The following OSBP2 variants were observed in gnomAD, a reference collection of about 807,000 sequenced individuals.
OSBP2 encodes the protein oxysterol-binding protein 2.
Under a neutral mutation model 96.0 loss-of-function variants are expected in OSBP2, and 66 were observed. That is an observed-to-expected ratio of 0.69 (90% CI 0.56 to 0.84). The LOEUF (loss-of-function observed/expected upper bound fraction) is 0.84. Among genes scored for constraint, OSBP2 ranks in the 40% least tolerant of loss-of-function variants. The pLI, the probability that OSBP2 is intolerant of heterozygous loss-of-function variation, is 0.00. For synonymous variants in OSBP2, 525 were observed against 520.9 expected (o/e 1.01, Z -0.11); for missense variants, 1,038 against 1,222.7 (o/e 0.85, Z 2.25).
intron 2 of OSBP2, among the ~76,000 whole-genome samples, chr22:30,790,615 A>C (rs1421674307): frequency 6.6e-6 from 1 of 151,202 alleles, no homozygotes; most frequent in African/African-American, 2.4e-5. Context: ...TGTAAGCCAG[A>C]TGCAAAAGCA....
intron 2 of OSBP2, among the ~76,000 whole-genome samples, chr22:30,839,854 C>T (rs11913680): frequency 0.23 from 35,399 of 151,632 alleles, 4,447 homozygotes; most frequent in Middle Eastern, 0.36. Flanking sequence ...TAATTAGATC[C>T]CATTTGTCAA....
rs1303855891 is a variant in OSBP2 at position 30,889,474 on chromosome 22, C to G, written c.1477-16C>G. On this transcript the variant is annotated splice_polypyrimidine_tract_variant and intron_variant, in intron 6 of 13. Coordinates refer to ENST00000332585, the MANE Select transcript of OSBP2 (RefSeq NM_030758.4). ...GGCCTCTGCTGACGGTGAGGGGGTC[C>G]CCACTTATGTGGCAGGTACTAGATG... 4 of 1,613,926 alleles carry G rather than the reference C, an allele frequency of 2.5e-6. No homozygotes were observed. Among genetic ancestry groups the G allele is most frequent in the Non-Finnish European group, 3.4e-6 (4 of 1,179,928 alleles).
At chr22:30,831,233 C>T (rs1017261885) in intron 2 of OSBP2, among the ~76,000 whole-genome samples, 2 of 152,222 alleles carry the variant, frequency 1.3e-5, no homozygotes, top group Non-Finnish European at 2.9e-5. Flanking sequence ...CTACATTAGA[C>T]TTCCATCATT....
chr22:30,850,614 C>T (rs1490507584), intron 2 of OSBP2, among the ~76,000 whole-genome samples: 1 of 152,120 alleles, frequency 6.6e-6, no homozygotes, highest in Non-Finnish European at 1.5e-5. Context: ...ATACTCCTGC[C>T]TTAGCCTCCC....
chr22:30,727,488 C>G (rs773609937), intron 1 of OSBP2, among the ~76,000 whole-genome samples: 3 of 152,064 alleles, frequency 2.0e-5, no homozygotes, highest in Non-Finnish European at 4.4e-5. Context: ...AAATATAGCT[C>G]TCAGAGAAGA....
intron 2 of OSBP2, among the ~76,000 whole-genome samples, chr22:30,864,957 C>T (rs1485143767): frequency 6.6e-6 from 1 of 152,202 alleles, no homozygotes; most frequent in Non-Finnish European, 1.5e-5. Flanking sequence ...TAAGCACCAC[C>T]GGGTCACCTT....
At chr22:30,737,675 G>A (rs1021196548) in intron 1 of OSBP2, among the ~76,000 whole-genome samples, 4 of 151,582 alleles carry the variant, frequency 2.6e-5, no homozygotes, top group African/African-American at 9.7e-5. Flanking sequence ...CTGATTTTAG[G>A]CCCACAATGT....
intron 12 of OSBP2, among the ~76,000 whole-genome samples, chr22:30,900,010 G>T (rs5753378): frequency 0.33 from 49,421 of 152,044 alleles, 8,555 homozygotes; most frequent in East Asian, 0.55. Flanking sequence ...TGTAATCCCA[G>T]CACTTTGGGA....
intron 3 of OSBP2, among the ~76,000 whole-genome samples, chr22:30,884,947 G>GT (rs1320657918): frequency 6.6e-6 from 1 of 152,370 alleles, no homozygotes; most frequent in East Asian, 1.9e-4. Context: ...GGGGCAGGCC[G>GT]TTGCCTGGGA....
intron 11 of OSBP2, 23 bp from the exon 12 acceptor site, chr22:30,893,793 CG>C: frequency 6.2e-7 from 1 of 1,603,622 alleles, no homozygotes; most frequent in Non-Finnish European, 8.5e-7. Context: ...TCTGCACCTA[CG>C]CTGGTCCTGC....
intron 1 of OSBP2, among the ~76,000 whole-genome samples, chr22:30,725,548 A>AAAC (rs1555908278): frequency 1.7e-4 from 26 of 151,132 alleles, no homozygotes; most frequent in Middle Eastern, 3.2e-3. Context: ...ACAAAAACAA[A>AAAC]AAAAAAAACA....
At chr22:30,867,935 C>T (rs1166661747) in intron 2 of OSBP2, among the ~76,000 whole-genome samples, 3 of 152,250 alleles carry the variant, frequency 2.0e-5, no homozygotes, top group Non-Finnish European at 2.9e-5. Flanking sequence ...GGGGGCTGGC[C>T]GTTCTGGTTA....
intron 3 of OSBP2, among the ~76,000 whole-genome samples, chr22:30,887,168 G>A (rs1314188962): frequency 6.6e-6 from 1 of 152,128 alleles, no homozygotes; most frequent in African/African-American, 2.4e-5. Context: ...GGTCACTCTC[G>A]TCGCCATTTT....
At chr22:30,763,448 A>G (rs1486479308) in intron 2 of OSBP2, among the ~76,000 whole-genome samples, 1 of 152,190 alleles carries the variant, frequency 6.6e-6, no homozygotes, top group Non-Finnish European at 1.5e-5. Context: ...GAAGTTCAAG[A>G]CCAGCCTGGC....
chr22:30,764,552 A>G (rs136337), intron 2 of OSBP2, among the ~76,000 whole-genome samples: 1 of 151,990 alleles, frequency 6.6e-6, no homozygotes, highest in Admixed American at 6.5e-5. Context: ...GGTCCACTTA[A>G]CAGTCCTCTC....
At chr22:30,863,769 GC>G (rs2039273957) in intron 2 of OSBP2, among the ~76,000 whole-genome samples, 2 of 152,168 alleles carry the variant, frequency 1.3e-5, no homozygotes, top group Admixed American at 6.5e-5. Flanking sequence ...AGCGAATCCT[GC>G]TGGTGACTGA....
intron 2 of OSBP2, among the ~76,000 whole-genome samples, chr22:30,783,065 CT>C (rs567123014): frequency 0.11 from 11,904 of 103,768 alleles, 306 homozygotes; most frequent in African/African-American, 0.18. Context: ...GAACCTGTGG[CT>C]TTTTTTTTTT....
chr22:30,733,495 T>C (rs2089809845), intron 1 of OSBP2, among the ~76,000 whole-genome samples: 2 of 152,200 alleles, frequency 1.3e-5, no homozygotes, highest in Non-Finnish European at 2.9e-5. Context: ...CCTTCCATAC[T>C]GTGGGTTGCA....
In OSBP2 at chr22:30,893,470, C is replaced by T. The variant is rs766692490; in HGVS notation, c.1998C>T (p.Ile666=). Residue 666 remains isoleucine (I), a synonymous_variant, in exon 10 of 14, where the codon ATC becomes ATT. Transcript: ENST00000332585. ...CCTGTCCCCTGCCTCCAGGTGCCAT[C>T]CACTTAGAATTCCAGGCCAGTGGGA... ...KYISIMPLGA[I]HLEFQASGNH... 6.2e-7 allele frequency: 1 copy of T among 1,613,724 alleles called. No homozygotes were observed. Among genetic ancestry groups the T allele is most frequent in the South Asian group, 1.1e-5 (1 of 91,076 alleles).
Sources: gnomAD v4.1 joint callset for allele counts (sites outside exome capture counted in the v4.1 genomes callset) on GRCh38, gnomAD v4.1.1 for gene constraint, MANE v1.5 for transcripts, NCBI Gene and HGNC (gene_info 2026-07-23, HGNC 2026-07-21) for gene names.